The following PTBP2 variants were observed in gnomAD, a reference collection of about 807,000 sequenced individuals.
PTBP2 encodes polypyrimidine tract-binding protein 2.
Under a neutral mutation model 61.4 loss-of-function variants are expected in PTBP2, and 13 were observed. The ratio of observed to expected loss-of-function variants is 0.21; its 90% CI spans 0.14 to 0.34. PTBP2 has a LOEUF of 0.34. PTBP2 is among the 10% of genes least tolerant of loss of function. The pLI is 1.00. For missense variants in PTBP2, 405 were observed against 642.6 expected (o/e 0.63, Z 4.00); for synonymous variants, 215 against 218.5 (o/e 0.98, Z 0.14).
At chr1:96,765,398 C>G (rs1415604426) in intron 3 of PTBP2, among the ~76,000 whole-genome samples, 1 of 152,058 alleles carries the variant, frequency 6.6e-6, no homozygotes, top group African/African-American at 2.4e-5. Context: ...ATGAGTAGGA[C>G]TAAAATAATT....
intron 2 of PTBP2, among the ~76,000 whole-genome samples, chr1:96,729,792 A>G (rs1314838512): frequency 7.1e-6 from 1 of 140,614 alleles, no homozygotes; most frequent in Non-Finnish European, 1.5e-5. Flanking sequence ...GCTGGAGTGC[A>G]GTGGCACCAT....
chr1:96,813,301 A>G lies in PTBP2; in HGVS notation c.1492A>G (p.Met498Val). ...AGATCACAAAATGGCTCTTCTTCAG[A>G]TGGCAACAGTGGAAGAAGCTATTCA... ...FQDHKMALLQ[M>V]ATVEEAIQAL... Residue 498 changes from methionine to valine, a missense_variant, in exon 14 of 14, where the codon ATG becomes GTG. Physicochemically the swap from Met to Val is conservative, Grantham distance 21 (BLOSUM62 1). Transcript: ENST00000674951. 1 of 1,605,706 alleles carries G rather than the reference A, an allele frequency of 6.2e-7. No individual in the cohort carries two copies. The highest frequency in any genetic ancestry group is 8.5e-7 in the Non-Finnish European group (1 of 1,177,430).
chr1:96,795,959 A>G (rs1219812817), intron 8 of PTBP2, among the ~76,000 whole-genome samples: 1 of 152,230 alleles, frequency 6.6e-6, no homozygotes, highest in Non-Finnish European at 1.5e-5. Flanking sequence ...ATAACTTTAC[A>G]CAGTGCCTGG....
At chr1:96,781,844 A>G (rs974498609) in intron 7 of PTBP2, among the ~76,000 whole-genome samples, 1 of 152,028 alleles carries the variant, frequency 6.6e-6, no homozygotes, top group Non-Finnish European at 1.5e-5. Flanking sequence ...AAAGTATTTT[A>G]TGCGATCCTC....
intron 2 of PTBP2, among the ~76,000 whole-genome samples, chr1:96,735,516 T>G (rs537996817): frequency 6.6e-6 from 1 of 152,168 alleles, no homozygotes; most frequent in Non-Finnish European, 1.5e-5. Context: ...AAAAGACTTA[T>G]GCTGAAAGGA....
At chr1:96,756,098 A>G (rs1157905216) in intron 3 of PTBP2, among the ~76,000 whole-genome samples, 1 of 152,148 alleles carries the variant, frequency 6.6e-6, no homozygotes, top group African/African-American at 2.4e-5. Flanking sequence ...CAATTTGGCA[A>G]TTTCTTAGAA....
chr1:96,767,510 TTC>T (rs1317502138), intron 3 of PTBP2, among the ~76,000 whole-genome samples: 2 of 152,148 alleles, frequency 1.3e-5, no homozygotes, highest in Admixed American at 1.3e-4. Flanking sequence ...GAAGTATTTG[TTC>T]TCGTTATTCA....
At chr1:96,726,701 T>A (rs1043882178) in intron 2 of PTBP2, among the ~76,000 whole-genome samples, 4 of 152,084 alleles carry the variant, frequency 2.6e-5, no homozygotes, top group Admixed American at 2.6e-4. Context: ...CCTCCCAAAG[T>A]GCTGGGATTA....
exon 14 of PTBP2, chr1:96,823,197 G>A (rs1366851063): frequency 6.6e-6 from 1 of 152,322 alleles, no homozygotes; most frequent in Non-Finnish European, 1.5e-5. Context: ...CTGACCTCAA[G>A]TGATCTACCT....
At chr1:96,743,226 G>A (rs935276154) in intron 2 of PTBP2, among the ~76,000 whole-genome samples, 2 of 151,462 alleles carry the variant, frequency 1.3e-5, no homozygotes, top group Non-Finnish European at 2.9e-5. Flanking sequence ...GGCGGAGCTT[G>A]CAGTGGCGCC....
Position 96,813,032 on chromosome 1 carries a change from A to G in PTBP2, c.1392A>G (p.Pro464=). 1 of 1,612,456 alleles carries G rather than the reference A, an allele frequency of 6.2e-7. No homozygotes were observed. The highest frequency in any genetic ancestry group is 1.1e-5 in the South Asian group (1 of 90,888). ...SATLHLSNIP[P]SVAEEDLRTL... is the part of the protein sequence containing the mutation. ...TCTTCCCATTCAATTTTCCTAGTCC[A>G]TCAGTAGCAGAAGAGGATCTACGAA... The change falls in exon 13 of 14, where the codon CCA becomes CCG. Residue 464 remains proline (P), a synonymous_variant. Coordinates refer to ENST00000674951, the MANE Select transcript of PTBP2 (RefSeq NM_021190.4).
At chr1:96,751,319 T>C (rs1223224795) in intron 2 of PTBP2, 106 bp from the exon 3 acceptor site, 17 of 898,902 alleles carry the variant, frequency 1.9e-5, no homozygotes, top group Non-Finnish European at 3.0e-5. Context: ...ATTAACATTT[T>C]TAACTATTCC....
intron 2 of PTBP2, among the ~76,000 whole-genome samples, chr1:96,741,025 A>G (rs1314417965): frequency 6.6e-6 from 1 of 151,644 alleles, no homozygotes; most frequent in Non-Finnish European, 1.5e-5. Context: ...TAATTATATT[A>G]ATTATACTGT....
At chr1:96,746,629 A>G (rs1653799774) in intron 2 of PTBP2, among the ~76,000 whole-genome samples, 1 of 149,084 alleles carries the variant, frequency 6.7e-6, no homozygotes, top group African/African-American at 2.5e-5. Context: ...TGTGGGGCCC[A>G]GGAGTTTGAG....
At chr1:96,784,058 TA>T (rs1658966803) in intron 7 of PTBP2, among the ~76,000 whole-genome samples, 1 of 152,126 alleles carries the variant, frequency 6.6e-6, no homozygotes. Context: ...TTAAAAGCTT[TA>T]TATACTTAAG....
At chr1:96,795,679 C>A (rs1308657100) in intron 8 of PTBP2, among the ~76,000 whole-genome samples, 1 of 152,066 alleles carries the variant, frequency 6.6e-6, no homozygotes, top group Admixed American at 6.5e-5. Flanking sequence ...GTATATAAAT[C>A]AAATTACAAG....
intron 8 of PTBP2, among the ~76,000 whole-genome samples, chr1:96,798,826 A>G (rs273867): frequency 0.27 from 41,200 of 152,190 alleles, 6,848 homozygotes; most frequent in East Asian, 0.46. Context: ...TTTCCAGGTT[A>G]TATAAGAACT....
intron 2 of PTBP2, among the ~76,000 whole-genome samples, chr1:96,735,120 G>A (rs767487156): frequency 3.9e-4 from 60 of 151,910 alleles, no homozygotes; most frequent in African/African-American, 1.1e-3. Context: ...GTTTCACCAC[G>A]TTGGCCAGGC....
intron 11 of PTBP2, among the ~76,000 whole-genome samples, chr1:96,810,088 A>G (rs906465409): frequency 7.6e-5 from 7 of 91,730 alleles, no homozygotes; most frequent in Admixed American, 6.5e-4. Context: ...TATAAACACC[A>G]CTATGTCTGT....
Sources: gnomAD v4.1 joint callset for allele counts (sites outside exome capture counted in the v4.1 genomes callset) on GRCh38, gnomAD v4.1.1 for gene constraint, MANE v1.5 for transcripts, NCBI Gene and HGNC (gene_info 2026-07-23, HGNC 2026-07-21) for gene names.